GALNT13: variants seen among roughly 807,000 people sequenced by gnomAD.
GALNT13 encodes polypeptide N-acetylgalactosaminyltransferase 13, also known as UDP-GalNAc:polypeptide N-acetylgalactosaminyltransferase 13.
A neutral mutation model predicts 64.2 loss-of-function variants in GALNT13; 28 were observed. That is an observed-to-expected ratio of 0.44 (90% CI 0.32 to 0.60). The LOEUF (loss-of-function observed/expected upper bound fraction) is 0.60, where lower values mean the gene tolerates loss of function less well. Ranked by LOEUF, GALNT13 falls within the 20% of genes least tolerant of loss-of-function variation. The pLI, the probability that GALNT13 is intolerant of heterozygous loss-of-function variation, is 0.05. For synonymous variants in GALNT13, 214 were observed against 224.6 expected (o/e 0.95, Z 0.42); for missense variants, 577 against 669.8 (o/e 0.86, Z 1.53).
intron 3 of GALNT13, among the ~76,000 whole-genome samples, chr2:154,021,261 G>C (rs1206441178): frequency 6.6e-6 from 1 of 152,110 alleles, no homozygotes; most frequent in Non-Finnish European, 1.5e-5. Flanking sequence ...GCTTGATGGG[G>C]ATGGCATTGA....
At chr2:154,009,709 C>G (rs996881929) in intron 3 of GALNT13, among the ~76,000 whole-genome samples, 3 of 151,992 alleles carry the variant, frequency 2.0e-5, no homozygotes, top group African/African-American at 4.8e-5. Flanking sequence ...AGGCTGGTCT[C>G]GAACTCCTGA....
At chr2:153,577,951 TA>T in the GALNT13 span, among the ~76,000 whole-genome samples, 1 of 151,226 alleles carries the variant, frequency 6.6e-6, no homozygotes, top group Non-Finnish European at 1.5e-5. Flanking sequence ...CACAAACACA[TA>T]AAAGACTGTT....
At chr2:153,522,513 G>A in the GALNT13 span, among the ~76,000 whole-genome samples, 5 of 152,152 alleles carry the variant, frequency 3.3e-5, no homozygotes, top group Non-Finnish European at 7.4e-5. Context: ...GAGAGTTCCT[G>A]TTGTTTCTGT....
At chr2:153,882,248 G>A (rs1230074494) in intron 1 of GALNT13, among the ~76,000 whole-genome samples, 1 of 151,936 alleles carries the variant, frequency 6.6e-6, no homozygotes, top group Non-Finnish European at 1.5e-5. Context: ...CCCATATTAA[G>A]CCCCCAAAGG....
rs763822506 is a variant in GALNT13 at position 154,408,976 on chromosome 2, T to G, written c.1297-8T>G. 6 of 1,576,572 alleles carry G rather than the reference T, an allele frequency of 3.8e-6. No homozygotes were observed. The Admixed American group carries it at 1.0e-4, about 27-fold the overall frequency. On this transcript the variant is annotated splice_region_variant and splice_polypyrimidine_tract_variant and intron_variant, in intron 10 of 12. Transcript: ENST00000392825. ...TTTTATCCCCCCCCTTTTGTGTGTT[T>G]CCTTTAGATAAGAAATGTTGAAACC...
the GALNT13 span, among the ~76,000 whole-genome samples, chr2:153,786,054 G>A: frequency 4.9e-4 from 75 of 151,930 alleles, no homozygotes; most frequent in African/African-American, 1.8e-3. Context: ...AGTAACAGCG[G>A]CTCCAAATTC....
At chr2:154,055,656 G>T (rs1329439676) in intron 3 of GALNT13, among the ~76,000 whole-genome samples, 1 of 152,026 alleles carries the variant, frequency 6.6e-6, no homozygotes, top group Non-Finnish European at 1.5e-5. Context: ...GGTCTGAGTA[G>T]AGCCAAGGAG....
the GALNT13 span, among the ~76,000 whole-genome samples, chr2:153,070,518 A>G: frequency 6.6e-6 from 1 of 152,230 alleles, no homozygotes; most frequent in African/African-American, 2.4e-5. Flanking sequence ...AATGTACCAC[A>G]CAAATGCAAG....
the GALNT13 span, among the ~76,000 whole-genome samples, chr2:153,151,871 C>G: frequency 1.4e-4 from 22 of 151,974 alleles, no homozygotes; most frequent in African/African-American, 5.1e-4. Flanking sequence ...TGGAGATACA[C>G]CTAATGTTAA....
the GALNT13 span, among the ~76,000 whole-genome samples, chr2:153,376,120 C>T: frequency 6.6e-6 from 1 of 152,138 alleles, no homozygotes; most frequent in Admixed American, 6.5e-5. Context: ...CACCTCCAAC[C>T]ATTGGAGATT....
the GALNT13 span, among the ~76,000 whole-genome samples, chr2:153,275,851 A>G: frequency 6.6e-6 from 1 of 152,174 alleles, no homozygotes; most frequent in Non-Finnish European, 1.5e-5. Flanking sequence ...AAAAAAGTTG[A>G]TTGATCCTGC....
chr2:153,441,916 C>T, the GALNT13 span, among the ~76,000 whole-genome samples: 1 of 152,250 alleles, frequency 6.6e-6, no homozygotes, highest in African/African-American at 2.4e-5. Flanking sequence ...GACTTCCTCT[C>T]TTCCCATTTG....
At chr2:154,422,878 G>A (rs1364091211) in intron 11 of GALNT13, among the ~76,000 whole-genome samples, 1 of 152,002 alleles carries the variant, frequency 6.6e-6, no homozygotes, top group Non-Finnish European at 1.5e-5. Context: ...TCTTCACTCA[G>A]TGAGTTAACC....
At chr2:153,426,589 C>CAT in the GALNT13 span, among the ~76,000 whole-genome samples, 1 of 152,038 alleles carries the variant, frequency 6.6e-6, no homozygotes, top group African/African-American at 2.4e-5. Context: ...CGTTCATGTG[C>CAT]ATATACTCTG....
the GALNT13 span, among the ~76,000 whole-genome samples, chr2:153,231,900 A>G: frequency 6.6e-6 from 1 of 151,942 alleles, no homozygotes. Flanking sequence ...CAGCATCTGT[A>G]CTTGTAATCC....
At chr2:153,243,171 G>A in the GALNT13 span, among the ~76,000 whole-genome samples, 5 of 152,116 alleles carry the variant, frequency 3.3e-5, no homozygotes, top group African/African-American at 1.2e-4. Context: ...ATGGGTGATG[G>A]GCTGATTACA....
chr2:154,288,353 A>T (rs1692398783), intron 8 of GALNT13, among the ~76,000 whole-genome samples: 1 of 151,986 alleles, frequency 6.6e-6, no homozygotes, highest in African/African-American at 2.4e-5. Context: ...GAGCCAAACC[A>T]TATTGTTCCA....
intron 9 of GALNT13, among the ~76,000 whole-genome samples, chr2:154,359,294 AT>A (rs1399717913): frequency 6.6e-6 from 1 of 152,094 alleles, no homozygotes; most frequent in East Asian, 1.9e-4. Flanking sequence ...GAAAACTGAG[AT>A]TCAAACACTA....
the GALNT13 span, among the ~76,000 whole-genome samples, chr2:153,777,493 C>T: frequency 6.6e-6 from 1 of 152,160 alleles, no homozygotes; most frequent in Non-Finnish European, 1.5e-5. Context: ...CATGAGGCCT[C>T]CATCAATCAT....
Sources: allele counts gnomAD v4.1 joint callset (sites outside exome capture counted in the v4.1 genomes callset), GRCh38; gene constraint gnomAD v4.1.1; transcripts MANE v1.5; gene names NCBI Gene and HGNC (gene_info 2026-07-23, HGNC 2026-07-21).